The following URB2 variants were observed in gnomAD, a reference collection of about 807,000 sequenced individuals.
The protein encoded by URB2 is URB2 ribosome biogenesis homolog, also known as unhealthy ribosome biogenesis protein 2 homolog.
Under a neutral mutation model 120.9 loss-of-function variants are expected in URB2, and 86 were observed. That is an observed-to-expected ratio of 0.71 (90% CI 0.60 to 0.85). URB2 has a LOEUF of 0.85. Ranked by LOEUF, URB2 falls within the 40% of genes least tolerant of loss-of-function variation. The probability of loss-of-function intolerance (pLI) is 0.00; values close to 1 mark genes in which losing one functional copy is unlikely to be tolerated. For synonymous variants in URB2, 755 were observed against 758.4 expected (o/e 1.00, Z 0.07); for missense variants, 1,765 against 1,836.5 (o/e 0.96, Z 0.71).
At chr1:229,658,990 G>T in intron 9 of URB2, 110 bp from the exon 10 acceptor site, 2 of 1,009,776 alleles carry the variant, frequency 2.0e-6, no homozygotes, top group Non-Finnish European at 2.9e-6. Flanking sequence ...TTCTCAATTT[G>T]GAGGTCAGTT....
chr1:229,632,115 G>A (rs556837708), intron 2 of URB2, among the ~76,000 whole-genome samples, 154 bp from the exon 3 acceptor site: 1 of 152,280 alleles, frequency 6.6e-6, no homozygotes, highest in South Asian at 2.1e-4. Context: ...GAACACGTAA[G>A]TAATATTATC....
intron 1 of URB2, among the ~76,000 whole-genome samples, 183 bp downstream of exon 1, chr1:229,626,539 C>T (rs1665484444): frequency 6.6e-6 from 1 of 152,268 alleles, no homozygotes; most frequent in Admixed American, 6.5e-5. Flanking sequence ...CGGCACGCTC[C>T]ATTCGCGAAG....
Position 229,659,550 on chromosome 1 carries a change from C to A in URB2, c.*253C>A, listed in dbSNP as rs1666475863. ...AATTGACCCTGGGATGAGATTAATTCAATAGAAAAATTGCTGACTCTTGGG... is the reference window on the plus strand; with the variant it reads ...AATTGACCCTGGGATGAGATTAATTAAATAGAAAAATTGCTGACTCTTGGG... On this transcript the variant is annotated 3_prime_UTR_variant, in exon 10 of 10. Transcript: ENST00000258243. 1 of 352,188 alleles carries A rather than the reference C, an allele frequency of 2.8e-6. No individual in the cohort carries two copies. Among genetic ancestry groups the A allele is most frequent in the African/African-American group, 2.1e-5 (1 of 48,730 alleles). The allele number at this position is 352,188 out of a possible 1,614,324, so 21.8% of individuals were successfully genotyped here.
At position 229,657,656 on chromosome 1, in the gene URB2, C is replaced by T. The variant is rs550754557; in HGVS notation, c.4378-1444C>T. On this transcript the variant is annotated intron_variant, in intron 9 of 9. Transcript: ENST00000258243. ...GTTTTTTTCTTTCCCTCCCAATTAC[C>T]TTGCTGTAAAATTCACAGACACGCC... 2.6e-5 allele frequency among the ~76,000 whole-genome samples: 4 copies of T among 152,242 alleles called. No homozygotes were observed. In the East Asian group the frequency reaches 5.8e-4, roughly 22 times the overall value.
chr1:229,628,111 A>G (rs1251258510), intron 2 of URB2, among the ~76,000 whole-genome samples: 1 of 134,328 alleles, frequency 7.4e-6, no homozygotes, highest in Non-Finnish European at 1.6e-5. Flanking sequence ...TTATATATGT[A>G]TATATATGTA....
intron 8 of URB2, among the ~76,000 whole-genome samples, chr1:229,652,006 AC>A (rs1666286770): frequency 6.6e-6 from 1 of 151,858 alleles, no homozygotes; most frequent in Non-Finnish European, 1.5e-5. Context: ...ACATGGTGAA[AC>A]CCTGTCTCTA....
chr1:229,647,776 A>C (rs1475858743), intron 7 of URB2, 24 bp downstream of exon 7: 1 of 1,604,030 alleles, frequency 6.2e-7, no homozygotes, highest in African/African-American at 1.3e-5. Context: ...TGAGAGTGGC[A>C]GGCAGCTTTT....
rs745498271 is a variant in URB2, at chr1:229,659,291, G to A, written c.4569G>A (p.Thr1523=). The change falls in exon 10 of 10, where the codon ACG becomes ACA. Residue 1523 remains threonine (T), a synonymous_variant. Coordinates refer to ENST00000258243, the MANE Select transcript of URB2 (RefSeq NM_014777.4). ...KAKHEGEKRY[T]A ...AACATGAAGGAGAGAAAAGATATACGGCCTAAGGCTATGGGACAGAAGTGC... is the reference window on the plus strand; with the variant it reads ...AACATGAAGGAGAGAAAAGATATACAGCCTAAGGCTATGGGACAGAAGTGC... 20 of 1,613,774 alleles carry A rather than the reference G, an allele frequency of 1.2e-5. No homozygotes were observed. The highest frequency in any genetic ancestry group is 3.3e-5 in the South Asian group (3 of 91,062).
Position 229,636,338 on chromosome 1 carries a change from G to C in URB2, c.1725G>C (p.Met575Ile), listed in dbSNP as rs1200200158. 9 of 1,614,108 alleles carry C rather than the reference G, an allele frequency of 5.6e-6. No homozygotes were observed. The highest frequency in any genetic ancestry group is 7.6e-6 in the Non-Finnish European group (9 of 1,180,032). The change falls in exon 4 of 10, where the codon ATG becomes ATC. Residue 575 changes from methionine (M) to isoleucine (I), a missense_variant. Met to Ile is a conservative substitution (Grantham distance 10, BLOSUM62 1). Coordinates refer to ENST00000258243, the MANE Select transcript of URB2 (RefSeq NM_014777.4). ...GGACACAGTGCATGATGGAGAGGATGATGAGGGAGCTCGTGCAGCCCCTGC... is the reference window on the plus strand; with the variant it reads ...GGACACAGTGCATGATGGAGAGGATCATGAGGGAGCTCGTGCAGCCCCTGC... ...VRRTQCMMER[M>I]MRELVQPLLA... is the part of the protein sequence containing the mutation.
At position 229,636,004 on chromosome 1, in the gene URB2, G is replaced by A. The variant is rs535176841; in HGVS notation, c.1391G>A (p.Arg464Gln). The A allele has an allele frequency of 3.7e-6, 6 of 1,613,744 alleles. No individual in the cohort carries two copies. The highest frequency in any genetic ancestry group is 2.7e-5 in the African/African-American group (2 of 75,052). ...GTCTTCCAGACTTATGCCAAACTCCGACAAGTGCCACGGTTGTTTGAAGAG... is the reference window on the plus strand; with the variant it reads ...GTCTTCCAGACTTATGCCAAACTCCAACAAGTGCCACGGTTGTTTGAAGAG... ...RTVFQTYAKLRQVPRLFEEVL... is the reference protein window; with the variant it reads ...RTVFQTYAKLQQVPRLFEEVL... Residue 464 changes from arginine to glutamine, a missense_variant, in exon 4 of 10, where the codon CGA (arginine) becomes CAA (glutamine). Transcript: ENST00000258243.
At chr1:229,658,560 A>G (rs941310465) in intron 9 of URB2, among the ~76,000 whole-genome samples, 2 of 152,218 alleles carry the variant, frequency 1.3e-5, no homozygotes. Flanking sequence ...TGATCTAATT[A>G]CTAGTGTAGG....
chr1:229,638,740 G>A (rs1171914322), intron 4 of URB2, among the ~76,000 whole-genome samples: 3 of 152,072 alleles, frequency 2.0e-5, no homozygotes, highest in Non-Finnish European at 2.9e-5. Flanking sequence ...CATTCTAGGC[G>A]TACATAAGCA....
rs1015227164 is a variant in URB2 at position 229,637,221 on chromosome 1, A to G, written c.2608A>G (p.Ile870Val). Residue 870 changes from isoleucine (I) to valine (V), a missense_variant, in exon 4 of 10, where the codon ATT becomes GTT. Coordinates refer to ENST00000258243, the MANE Select transcript of URB2 (RefSeq NM_014777.4). Reference sequence around the variant, plus strand: ...CGAAGGTATAGAACCTAGAGGAGAAATTGCCCAGAACTTACTGTCCCTGGT... The same window carrying G: ...CGAAGGTATAGAACCTAGAGGAGAAGTTGCCCAGAACTTACTGTCCCTGGT... ...GPEGIEPRGE[I>V]AQNLLSLVKS... 1.2e-6 allele frequency: 2 copies of G among 1,613,608 alleles called. No homozygotes were observed. The highest frequency in any genetic ancestry group is 1.3e-5 in the African/African-American group (1 of 74,926).
chr1:229,627,488 G>A (rs1665535553), intron 1 of URB2, 133 bp from the exon 2 acceptor site: 1 of 837,126 alleles, frequency 1.2e-6, no homozygotes, highest in Non-Finnish European at 1.7e-6. Context: ...CAAATCTGTT[G>A]ATTCATTAAA....
At chr1:229,646,253 G>A (rs1017330215) in intron 6 of URB2, among the ~76,000 whole-genome samples, 5 of 152,262 alleles carry the variant, frequency 3.3e-5, no homozygotes, top group African/African-American at 1.2e-4. Context: ...GATAAAGGGA[G>A]GCTATCGTGG....
chr1:229,628,614 G>T (rs1443687408), intron 2 of URB2, among the ~76,000 whole-genome samples: 3 of 152,162 alleles, frequency 2.0e-5, no homozygotes, highest in Non-Finnish European at 4.4e-5. Flanking sequence ...GTGGTGCTTT[G>T]TTAAAAGTCT....
chr1:229,640,645 T>C (rs1395750406), intron 4 of URB2, among the ~76,000 whole-genome samples: 1 of 151,950 alleles, frequency 6.6e-6, no homozygotes, highest in Non-Finnish European at 1.5e-5. Context: ...GTTAAATGGG[T>C]TCTCGCAGAA....
At chr1:229,658,256 G>T (rs1176602286) in intron 9 of URB2, among the ~76,000 whole-genome samples, 14 of 152,164 alleles carry the variant, frequency 9.2e-5, no homozygotes, top group Admixed American at 7.9e-4. Flanking sequence ...AAGAGAACCT[G>T]TTCCCCCAGC....
At chr1:229,639,365 C>A (rs1406359272) in intron 4 of URB2, among the ~76,000 whole-genome samples, 7 of 144,148 alleles carry the variant, frequency 4.9e-5, no homozygotes, top group Non-Finnish European at 9.0e-5. Flanking sequence ...GATGGAGTCT[C>A]ACTCTGTCTA....
Sources: gnomAD v4.1 joint callset for allele counts (sites outside exome capture counted in the v4.1 genomes callset) on GRCh38, gnomAD v4.1.1 for gene constraint, MANE v1.5 for transcripts, NCBI Gene and HGNC (gene_info 2026-07-23, HGNC 2026-07-21) for gene names.